ACYP2: variants seen among roughly 807,000 people sequenced by gnomAD.
ACYP2 encodes acylphosphatase-2.
Under a neutral mutation model 11.2 loss-of-function variants are expected in ACYP2, and 12 were observed. That is an observed-to-expected ratio of 1.08 (90% confidence interval 0.69 to 1.74). The LOEUF (loss-of-function observed/expected upper bound fraction) is 1.74. Ranked by LOEUF, ACYP2 falls within the 40% of genes most tolerant of loss-of-function variation. The pLI, the probability that ACYP2 is intolerant of heterozygous loss-of-function variation, is 0.00. For missense variants in ACYP2, 134 were observed against 101.9 expected, an observed-to-expected ratio of 1.31 and a Z score of -1.35; for synonymous variants, 43 against 32.2, an observed-to-expected ratio of 1.33 and a Z score of -1.13.
chr2:54,234,738 C>T (rs1686396793), intron 6 of ACYP2, among the ~76,000 whole-genome samples: 1 of 152,182 alleles, frequency 6.6e-6, no homozygotes. Flanking sequence ...GCTTCATCTT[C>T]AACATTGTCT....
At chr2:54,221,712 G>A (rs1178348731) in intron 6 of ACYP2, among the ~76,000 whole-genome samples, 2 of 151,672 alleles carry the variant, frequency 1.3e-5, no homozygotes, top group East Asian at 1.9e-4. Context: ...GTAGAGACAA[G>A]GTTTTCACCA....
chr2:54,273,231 A>T (rs1178504260), intron 6 of ACYP2, among the ~76,000 whole-genome samples: 1 of 152,236 alleles, frequency 6.6e-6, no homozygotes, highest in Non-Finnish European at 1.5e-5. Flanking sequence ...CTGTTTGGGT[A>T]TGCAATGGGA....
chr2:54,209,148 T>C (rs1685221424), intron 6 of ACYP2, among the ~76,000 whole-genome samples: 1 of 152,070 alleles, frequency 6.6e-6, no homozygotes, highest in Non-Finnish European at 1.5e-5. Context: ...TGGGGGGAAG[T>C]AGAGAAACTT....
chr2:54,251,759 C>A (rs534160473), intron 6 of ACYP2, among the ~76,000 whole-genome samples: 1 of 152,180 alleles, frequency 6.6e-6, no homozygotes, highest in African/African-American at 2.4e-5. Context: ...AGATTATGTC[C>A]CTTAGAGAGC....
At chr2:54,175,876 T>C (rs1284539818) in intron 6 of ACYP2, among the ~76,000 whole-genome samples, 2 of 152,110 alleles carry the variant, frequency 1.3e-5, no homozygotes, top group African/African-American at 2.4e-5. Context: ...AGTGTGATGG[T>C]ATTAGGGAGT....
chr2:54,178,096 T>G (rs1269257890), intron 6 of ACYP2, among the ~76,000 whole-genome samples: 3 of 147,924 alleles, frequency 2.0e-5, no homozygotes, highest in Admixed American at 6.7e-5. Flanking sequence ...GCTAGAGACA[T>G]GGTTTCATCA....
intron 6 of ACYP2, chr2:54,254,338 A>G (rs933871014): frequency 1.3e-5 from 2 of 152,598 alleles, no homozygotes; most frequent in African/African-American, 4.8e-5. Flanking sequence ...GGTCTGGGAT[A>G]TGTTCACTCA....
rs1380781358 is a variant in ACYP2, at chr2:54,163,638, C to A, written c.404+24890C>A. 7.9e-5 allele frequency among the ~76,000 whole-genome samples: 12 copies of A among 152,058 alleles called. No individual in the cohort carries two copies. In the East Asian group the frequency reaches 1.4e-3, roughly 17 times the overall value. On this transcript the variant is annotated intron_variant, in intron 6 of 6. Transcript: ENST00000607452. The stretch of plus-strand genomic sequence containing the variant: ...GGGAGGCCTAGGGGGGTGGCTCACC[C>A]AAGGGCAGGAGTTTGAGACCAGCCT...
At chr2:54,198,476 G>A (rs992928758) in intron 6 of ACYP2, among the ~76,000 whole-genome samples, 2 of 152,048 alleles carry the variant, frequency 1.3e-5, no homozygotes, top group African/African-American at 4.8e-5. Context: ...AAAATGTGGG[G>A]GCTCTTGTTC....
intron 6 of ACYP2, among the ~76,000 whole-genome samples, chr2:54,213,086 C>T (rs1685398104): frequency 6.6e-6 from 1 of 152,126 alleles, no homozygotes; most frequent in Admixed American, 6.6e-5. Flanking sequence ...TGGTCACCCT[C>T]CTCCCACCCT....
chr2:54,154,440 A>G (rs919305478), intron 6 of ACYP2, among the ~76,000 whole-genome samples: 2 of 152,120 alleles, frequency 1.3e-5, no homozygotes, highest in East Asian at 3.8e-4. Context: ...TATGGCCTTT[A>G]TTATGTTGAT....
At chr2:54,103,509 G>C (rs1430626279) in intron 4 of ACYP2, among the ~76,000 whole-genome samples, 2 of 151,952 alleles carry the variant, frequency 1.3e-5, no homozygotes, top group East Asian at 1.9e-4. Flanking sequence ...TTTTATTCAA[G>C]ATTACTGTTT....
At chr2:54,256,060 T>C in intron 6 of ACYP2, 1 of 1,614,142 alleles carries the variant, frequency 6.2e-7, no homozygotes, top group Non-Finnish European at 8.5e-7. Flanking sequence ...CTCTGTCGCC[T>C]TGCTCTTTTC....
chr2:54,255,619 C>G (rs1687470707), intron 6 of ACYP2: 2 of 1,613,662 alleles, frequency 1.2e-6, no homozygotes, highest in Non-Finnish European at 1.7e-6. Flanking sequence ...ATCTATTGCT[C>G]TGTTTTCTTC....
intron 6 of ACYP2, among the ~76,000 whole-genome samples, chr2:54,147,550 G>A (rs1026091448): frequency 6.6e-6 from 1 of 151,840 alleles, no homozygotes; most frequent in African/African-American, 2.4e-5. Flanking sequence ...TTTTAGGCAG[G>A]ATCTTGCTCT....
At chr2:54,225,484 TC>T (rs1685975992) in intron 6 of ACYP2, among the ~76,000 whole-genome samples, 1 of 152,182 alleles carries the variant, frequency 6.6e-6, no homozygotes, top group Admixed American at 6.5e-5. Context: ...AGCATGATCT[TC>T]TTTACAGTTT....
intron 6 of ACYP2, among the ~76,000 whole-genome samples, chr2:54,246,665 C>A (rs1300512611): frequency 6.6e-6 from 1 of 151,942 alleles, no homozygotes; most frequent in African/African-American, 2.4e-5. Flanking sequence ...TTATTATGTT[C>A]TCTAAATTTT....
chr2:53,991,976 T>G (rs1383295626), intron 2 of ACYP2, among the ~76,000 whole-genome samples: 1 of 152,030 alleles, frequency 6.6e-6, no homozygotes, highest in Non-Finnish European at 1.5e-5. Flanking sequence ...TCTTTCAATT[T>G]CTTGATCAAG....
intron 2 of ACYP2, among the ~76,000 whole-genome samples, chr2:54,047,702 T>C (rs1267880520): frequency 6.6e-6 from 1 of 152,252 alleles, no homozygotes; most frequent in East Asian, 1.9e-4. Context: ...TAATTAAAAG[T>C]AGTCTTTGTC....
Sources: gnomAD v4.1 joint callset for allele counts (sites outside exome capture counted in the v4.1 genomes callset) on GRCh38, gnomAD v4.1.1 for gene constraint, MANE v1.5 for transcripts, NCBI Gene and HGNC (gene_info 2026-07-23, HGNC 2026-07-21) for gene names.